The following FAAH2 variants were observed in gnomAD, a reference collection of about 807,000 sequenced individuals.
FAAH2 encodes the protein fatty-acid amide hydrolase 2.
Under a neutral mutation model 36.9 loss-of-function variants are expected in FAAH2, and 60 were observed. The observed-to-expected ratio is 1.63, with a 90% CI of 1.32 to 2.02. FAAH2 has a LOEUF of 2.02. Ranked by LOEUF, FAAH2 falls within the 30% of genes most tolerant of loss-of-function variation. The pLI is 0.00. For missense variants in FAAH2, 689 were observed against 397.5 expected (o/e 1.73, Z -6.23); for synonymous variants, 214 against 143.8 (o/e 1.49, Z -3.49).
intron 2 of FAAH2, among the ~76,000 whole-genome samples, chrX:57,301,287 A>G (rs185025506): frequency 6.2e-4 from 69 of 111,136 alleles, no homozygotes; most frequent in African/African-American, 2.0e-3. Flanking sequence ...CAGCCATAAA[A>G]AAGGATGACT....
chrX:57,426,470 A>G (rs2056166052), intron 7 of FAAH2, among the ~76,000 whole-genome samples: 1 of 111,802 alleles, frequency 8.9e-6, no homozygotes, highest in Admixed American at 9.5e-5. Flanking sequence ...CGGCTCATGG[A>G]AAATTCTCCA....
the FAAH2 span, among the ~76,000 whole-genome samples, chrX:57,182,503 A>G: frequency 9.0e-5 from 10 of 111,596 alleles, no homozygotes; most frequent in East Asian, 2.5e-3. Flanking sequence ...CGAAACCACA[A>G]TAAGATACCA....
At chrX:57,462,268 G>A (rs765545221) in intron 10 of FAAH2, among the ~76,000 whole-genome samples, 2 of 109,411 alleles carry the variant, frequency 1.8e-5, no homozygotes, top group South Asian at 3.9e-4. Flanking sequence ...AAACGATTCC[G>A]AAGAATAGAA....
the FAAH2 span, among the ~76,000 whole-genome samples, chrX:57,218,336 TTGTCATAGA>T: frequency 6.2e-5 from 7 of 112,001 alleles, no homozygotes; most frequent in African/African-American, 2.3e-4. Flanking sequence ...GACTCTGGGT[TTGTCATAGA>T]TGTCTTTTAC....
chrX:57,410,632 G>A (rs1440327964), intron 7 of FAAH2, among the ~76,000 whole-genome samples: 8 of 110,922 alleles, frequency 7.2e-5, no homozygotes, highest in Non-Finnish European at 1.1e-4. Context: ...TTTGTCTCTT[G>A]TGGGCCTTAT....
intron 5 of FAAH2, among the ~76,000 whole-genome samples, chrX:57,355,977 C>CT (rs899172159): frequency 9.0e-6 from 1 of 110,677 alleles, no homozygotes; most frequent in African/African-American, 3.3e-5. Context: ...TATTTGTTGG[C>CT]TTTTTTGTCA....
chrX:57,225,954 C>G, the FAAH2 span, among the ~76,000 whole-genome samples: 100 of 112,089 alleles, frequency 8.9e-4, 1 homozygote, highest in East Asian at 0.01. Flanking sequence ...ATAAGAATAT[C>G]TACTCCTGCT....
intron 7 of FAAH2, among the ~76,000 whole-genome samples, chrX:57,417,190 G>A (rs2055867452): frequency 1.8e-5 from 2 of 111,487 alleles, no homozygotes; most frequent in Admixed American, 9.5e-5. Flanking sequence ...TAGTTTGGAG[G>A]AGTTTGTTAT....
At chrX:57,352,661 A>G (rs1487774994) in intron 5 of FAAH2, among the ~76,000 whole-genome samples, 2 of 111,321 alleles carry the variant, frequency 1.8e-5, no homozygotes, top group Non-Finnish European at 3.8e-5. Flanking sequence ...GAAAAAGACG[A>G]AGTTAAATAA....
At chrX:57,334,205 G>C (rs1316963545) in intron 4 of FAAH2, among the ~76,000 whole-genome samples, 2 of 107,011 alleles carry the variant, frequency 1.9e-5, no homozygotes, top group Non-Finnish European at 3.9e-5. Context: ...GAGAGGTGGA[G>C]GTTGCAGTGA....
chrX:57,423,248 G>A (rs1257893429), intron 7 of FAAH2, among the ~76,000 whole-genome samples: 1 of 111,898 alleles, frequency 8.9e-6, no homozygotes, highest in Non-Finnish European at 1.9e-5. Context: ...CTCCGGTTTG[G>A]CAAGTCTCTG....
the FAAH2 span, among the ~76,000 whole-genome samples, chrX:57,216,554 A>ATATATATACGTATAAG: frequency 2.5e-5 from 1 of 39,709 alleles, no homozygotes; most frequent in African/African-American, 1.9e-4. Flanking sequence ...GTATATGTAT[A>ATATATATACGTATAAG]TATATATATA....
intron 10 of FAAH2, among the ~76,000 whole-genome samples, chrX:57,480,051 G>C (rs1015796340): frequency 9.7e-4 from 108 of 111,274 alleles, no homozygotes; most frequent in African/African-American, 3.5e-3. Context: ...ACCCTCCCAA[G>C]ACTAAACCAG....
chrX:57,246,657 A>G, the FAAH2 span, among the ~76,000 whole-genome samples: 1 of 112,195 alleles, frequency 8.9e-6, no homozygotes, highest in African/African-American at 3.2e-5. Flanking sequence ...TATATACAGC[A>G]TTGCATAATA....
chrX:57,229,705 G>T, the FAAH2 span, among the ~76,000 whole-genome samples: 19 of 110,575 alleles, frequency 1.7e-4, no homozygotes, highest in Non-Finnish European at 3.0e-4. Context: ...TATTTTCTTG[G>T]CTAGTCTATT....
At chrX:57,464,821 G>A (rs1046459373) in intron 10 of FAAH2, among the ~76,000 whole-genome samples, 2 of 111,072 alleles carry the variant, frequency 1.8e-5, no homozygotes, top group Non-Finnish European at 3.8e-5. Flanking sequence ...AAATCTACAT[G>A]ATGTATACCA....
chrX:57,460,923 C>T (rs1469933768), intron 10 of FAAH2, among the ~76,000 whole-genome samples: 2 of 111,083 alleles, frequency 1.8e-5, no homozygotes, highest in African/African-American at 3.3e-5. Context: ...CGTGCAAAGA[C>T]GCACATAGGC....
At chrX:57,140,834 G>A in the FAAH2 span, among the ~76,000 whole-genome samples, 10 of 111,322 alleles carry the variant, frequency 9.0e-5, no homozygotes, top group East Asian at 1.4e-3. Context: ...CCAAAAAGAG[G>A]GAGGAAGAGA....
chrX:57,216,936 C>A, the FAAH2 span, among the ~76,000 whole-genome samples: 23,403 of 107,803 alleles, frequency 0.22, 2,276 homozygotes, highest in Middle Eastern at 0.55. Flanking sequence ...ACACCAACAT[C>A]TACTGTTTTT....
Sources: allele counts gnomAD v4.1 joint callset (sites outside exome capture counted in the v4.1 genomes callset), GRCh38; gene constraint gnomAD v4.1.1; transcripts MANE v1.5; gene names NCBI Gene and HGNC (gene_info 2026-07-23, HGNC 2026-07-21).